The following FAM118B variants were observed in gnomAD, a reference collection of about 807,000 sequenced individuals.
FAM118B encodes the protein protein FAM118B.
Under a neutral mutation model 38.5 loss-of-function variants are expected in FAM118B, and 24 were observed. The ratio of observed to expected loss-of-function variants is 0.62; its 90% confidence interval spans 0.45 to 0.88. FAM118B has a LOEUF of 0.88. Among genes scored for constraint, FAM118B ranks in the 40% least tolerant of loss-of-function variants. FAM118B has a pLI of 0.00. For synonymous variants in FAM118B, 138 were observed against 156.3 expected (o/e 0.88, Z 0.87); for missense variants, 334 against 420.0 (o/e 0.80, Z 1.79).
At chr11:126,218,051 A>G (rs1450121753) in intron 1 of FAM118B, among the ~76,000 whole-genome samples, 4 of 152,222 alleles carry the variant, frequency 2.6e-5, no homozygotes, top group African/African-American at 9.6e-5. Context: ...GGCTTCTCAC[A>G]GACGGTTTTG....
intron 4 of FAM118B, among the ~76,000 whole-genome samples, chr11:126,247,718 C>T (rs1281765240): frequency 4.0e-5 from 6 of 151,702 alleles, no homozygotes; most frequent in African/African-American, 4.8e-5. Context: ...ATTAGCCTGG[C>T]GTGGTGGCAG....
At chr11:126,225,786 C>G (rs545171412) in intron 1 of FAM118B, among the ~76,000 whole-genome samples, 1 of 152,210 alleles carries the variant, frequency 6.6e-6, no homozygotes, top group Admixed American at 6.5e-5. Flanking sequence ...TCGAGACCAG[C>G]CTGGCCAACA....
At chr11:126,258,527 T>A (rs1031023768) in intron 7 of FAM118B, among the ~76,000 whole-genome samples, 1 of 152,236 alleles carries the variant, frequency 6.6e-6, no homozygotes, top group Non-Finnish European at 1.5e-5. Flanking sequence ...CTTCCATGGC[T>A]ATGCTTTGAT....
At chr11:126,219,505 A>T (rs1204000436) in intron 1 of FAM118B, among the ~76,000 whole-genome samples, 1 of 151,218 alleles carries the variant, frequency 6.6e-6, no homozygotes, top group Non-Finnish European at 1.5e-5. Flanking sequence ...CTGGGACCAT[A>T]GGCATATGCC....
intron 2 of FAM118B, among the ~76,000 whole-genome samples, chr11:126,234,014 C>T (rs183662994): frequency 5.9e-5 from 9 of 151,978 alleles, no homozygotes; most frequent in African/African-American, 1.4e-4. Context: ...CCCAGGAGGC[C>T]GAGACTGCAG....
intron 4 of FAM118B, among the ~76,000 whole-genome samples, chr11:126,241,562 A>T (rs655626): frequency 0.77 from 116,966 of 151,216 alleles, 46,042 homozygotes; most frequent in East Asian, 0.99. Context: ...TTATTTATTT[A>T]TTTTTTGATG....
In FAM118B at chr11:126,262,302, A is replaced by G. The variant is rs1950717507; in HGVS notation, c.*169A>G. On this transcript the variant is annotated 3_prime_UTR_variant, in exon 9 of 9. Coordinates refer to ENST00000533050, the MANE Select transcript of FAM118B (RefSeq NM_024556.4). ...GGAATGTTGCAGCGTAATCCTTCATACCACCTGGTTCTTGATATTCTGCCG... is the reference window on the plus strand; with the variant it reads ...GGAATGTTGCAGCGTAATCCTTCATGCCACCTGGTTCTTGATATTCTGCCG... 3.1e-6 allele frequency: 2 copies of G among 639,702 alleles called. No individual in the cohort carries two copies. The highest frequency in any genetic ancestry group is 5.4e-6 in the Non-Finnish European group (2 of 369,800). The allele number at this position is 639,702 out of a possible 1,614,324, so 39.6% of individuals were successfully genotyped here.
chr11:126,256,857 G>A lies in FAM118B; in HGVS notation c.982+5G>A. 6.2e-7 allele frequency: 1 copy of A among 1,603,206 alleles called. No homozygotes were observed. The highest frequency in any genetic ancestry group is 8.5e-7 in the Non-Finnish European group (1 of 1,173,664). Reference sequence around the variant, plus strand: ...TCTCCACAAGGGGTACATCAGGTAAGATGCATTTTGAAGCTGAGGGGAATC... The same window carrying A: ...TCTCCACAAGGGGTACATCAGGTAAAATGCATTTTGAAGCTGAGGGGAATC... On this transcript the variant is annotated splice_donor_5th_base_variant and intron_variant, in intron 7 of 8. Transcript: ENST00000533050. This position sits in a 1 kb window ranked among gnomAD's most constrained non-coding sequence, Gnocchi z 6.6.
At chr11:126,236,265 G>A (rs1263078189) in intron 3 of FAM118B, among the ~76,000 whole-genome samples, 1 of 152,108 alleles carries the variant, frequency 6.6e-6, no homozygotes, top group Non-Finnish European at 1.5e-5. Context: ...CCTAAGTAAG[G>A]ACCCATAGGA....
intron 1 of FAM118B, among the ~76,000 whole-genome samples, chr11:126,219,940 T>A (rs1950042183): frequency 6.6e-6 from 1 of 152,068 alleles, no homozygotes; most frequent in African/African-American, 2.4e-5. Context: ...GAATTTTTTT[T>A]AAAGGGGGGG....
At chr11:126,248,231 T>C (rs968731656) in intron 4 of FAM118B, among the ~76,000 whole-genome samples, 3 of 151,644 alleles carry the variant, frequency 2.0e-5, no homozygotes, top group Non-Finnish European at 2.9e-5. Flanking sequence ...TTTGAAATTG[T>C]ATTTGTAGGA....
rs1394737871 is a variant in FAM118B at position 126,211,838 on chromosome 11, TG to T, written c.-77+9del. On this transcript the variant is annotated intron_variant, in intron 1 of 8. Transcript: ENST00000533050. The stretch of plus-strand genomic sequence containing the variant: ...GCGTTTGGAGGAGACTCGGTGAGTG[TG>T]TAGGGAAGCCGGGCTGGGGCTGGGA... 1 of 588,754 alleles carries T rather than the reference TG, an allele frequency of 1.7e-6. No individual in the cohort carries two copies. The highest frequency in any genetic ancestry group is 3.3e-5 in the Admixed American group (1 of 30,450). 36.5% of individuals were successfully genotyped at this position (588,754 alleles called of 1,614,324 possible).
At chr11:126,248,742 T>C (rs1465368503) in intron 4 of FAM118B, among the ~76,000 whole-genome samples, 2 of 152,214 alleles carry the variant, frequency 1.3e-5, no homozygotes, top group Non-Finnish European at 2.9e-5. Context: ...AATCAATTCA[T>C]GGAGGCACGG....
intron 3 of FAM118B, among the ~76,000 whole-genome samples, chr11:126,235,899 T>C (rs1950268829): frequency 6.6e-6 from 1 of 152,246 alleles, no homozygotes; most frequent in Non-Finnish European, 1.5e-5. Context: ...GTAACGATTA[T>C]GTTTCCTTTC....
intron 2 of FAM118B, among the ~76,000 whole-genome samples, chr11:126,231,457 T>G (rs606110): frequency 6.6e-6 from 1 of 152,224 alleles, no homozygotes; most frequent in Non-Finnish European, 1.5e-5. Flanking sequence ...AAATATGGTT[T>G]GTGCTTATAT....
rs369618932 is a variant in FAM118B, at chr11:126,252,143, C to A, written c.567+1410C>A. Among the ~76,000 whole-genome samples, 12 of 152,108 alleles carry A rather than the reference C, an allele frequency of 7.9e-5. 1 individual carries two copies. Among genetic ancestry groups the A allele is most frequent in the South Asian group, 6.2e-4 (3 of 4,812 alleles). ...CTGGGATTACAGGCACCCGCCATCA[C>A]GTCTGGCTAATTTTTGTATTTTCAG... On this transcript the variant is annotated intron_variant, in intron 5 of 8. Transcript: ENST00000533050. This position sits in a 1 kb window ranked among gnomAD's most constrained non-coding sequence, Gnocchi z 4.7.
chr11:126,254,857 G>C (rs896937292), intron 6 of FAM118B, among the ~76,000 whole-genome samples: 1 of 152,082 alleles, frequency 6.6e-6, no homozygotes. Flanking sequence ...AAAGTCAGAC[G>C]TTCTTCCTGT....
chr11:126,216,874 G>T (rs1271233511), intron 1 of FAM118B, among the ~76,000 whole-genome samples: 1 of 152,212 alleles, frequency 6.6e-6, no homozygotes, highest in South Asian at 2.1e-4. Flanking sequence ...TTTATTTGCT[G>T]GTAATTTGTA....
At chr11:126,234,680 C>T (rs142299549) in intron 2 of FAM118B, among the ~76,000 whole-genome samples, 2,669 of 152,224 alleles carry the variant, frequency 0.018, 31 homozygotes, top group Non-Finnish European at 0.025. Context: ...TTAAGTTCTA[C>T]AAAGTGATGG....
Sources: gnomAD v4.1 joint callset for allele counts (sites outside exome capture counted in the v4.1 genomes callset) on GRCh38, gnomAD v4.1.1 for gene constraint, Gnocchi (gnomAD v3.1) non-coding constraint, MANE v1.5 for transcripts, NCBI Gene and HGNC (gene_info 2026-07-23, HGNC 2026-07-21) for gene names.